The following WWP1 variants were observed in gnomAD, a reference collection of about 807,000 sequenced individuals.
WWP1 encodes the protein NEDD4-like E3 ubiquitin-protein ligase WWP1.
WWP1 carries 49 observed loss-of-function variants against 130.6 expected under a neutral mutation model. That is an observed-to-expected ratio of 0.38 (90% CI 0.30 to 0.48). The LOEUF is 0.48. Ranked by LOEUF, WWP1 falls within the 20% of genes least tolerant of loss-of-function variation. The pLI is 0.99. For synonymous variants in WWP1, 332 were observed against 367.8 expected, an observed-to-expected ratio of 0.90 and a Z score of 1.11; for missense variants, 809 against 1,100.6, an observed-to-expected ratio of 0.74 and a Z score of 3.75.
At chr8:86,460,826 T>G (rs1401154701) in intron 22 of WWP1, among the ~76,000 whole-genome samples, 1 of 86,882 alleles carries the variant, frequency 1.2e-5, no homozygotes, top group Non-Finnish European at 2.1e-5. Flanking sequence ...TTTTTTTTTT[T>G]TGAGACAGAG....
At position 86,374,121 on chromosome 8, in the gene WWP1, G is replaced by T; in HGVS notation, c.70+1G>T. 2 of 1,602,520 alleles carry T rather than the reference G, an allele frequency of 1.2e-6. No homozygotes were observed. The highest frequency in any genetic ancestry group is 1.3e-5 in the African/African-American group (1 of 74,298). ...GGAAGGTTGCAGTTACAGGTAACTG[G>T]TAAGTTATTTTTATATTTAATATGG... On this transcript the variant is annotated splice_donor_variant, in intron 3 of 24. Transcript: ENST00000517970. LOFTEE classifies it high-confidence loss of function.
rs971994728 is a variant in WWP1, at chr8:86,468,305, A to T, written c.*1412A>T. On this transcript the variant is annotated 3_prime_UTR_variant, in exon 25 of 25. Transcript: ENST00000517970. The stretch of plus-strand genomic sequence containing the variant: ...AAATTTTATTTTTCTACATATTGAG[A>T]GTGTGTTCTCCATTTTATTCAGAAT... 4 of 425,546 alleles carry T rather than the reference A, an allele frequency of 9.4e-6. No homozygotes were observed. The highest frequency in any genetic ancestry group is 1.4e-5 in the Non-Finnish European group (3 of 218,874). The allele number at this position is 425,546 out of a possible 1,614,324, so 26.4% of individuals were successfully genotyped here. A position where few individuals can be genotyped will look rare whatever the true frequency, so the allele number is the denominator to read the frequency against.
At chr8:86,352,669 C>G (rs934486369) in intron 1 of WWP1, among the ~76,000 whole-genome samples, 1 of 152,136 alleles carries the variant, frequency 6.6e-6, no homozygotes, top group Non-Finnish European at 1.5e-5. Context: ...ATGCCCAGCC[C>G]TCAAGTATTC....
At chr8:86,426,988 C>T (rs1809662198) in intron 10 of WWP1, among the ~76,000 whole-genome samples, 1 of 151,900 alleles carries the variant, frequency 6.6e-6, no homozygotes, top group African/African-American at 2.4e-5. Flanking sequence ...TGGTGAAACC[C>T]CCATCTTTAC....
At chr8:86,425,129 C>G (rs572431410) in intron 9 of WWP1, 94 bp from the exon 10 acceptor site, 65 of 865,368 alleles carry the variant, frequency 7.5e-5, no homozygotes, top group Non-Finnish European at 1.1e-4. Context: ...TAATGTAAAG[C>G]TTATCTGTAA....
intron 9 of WWP1, among the ~76,000 whole-genome samples, chr8:86,424,454 G>A (rs1368256386): frequency 1.3e-4 from 20 of 152,072 alleles, no homozygotes; most frequent in Admixed American, 5.2e-4. Flanking sequence ...CAAGGCAGGC[G>A]GCTGGGAGGT....
chr8:86,405,969 A>T (rs922988945), intron 8 of WWP1, among the ~76,000 whole-genome samples: 1 of 152,220 alleles, frequency 6.6e-6, no homozygotes, highest in Admixed American at 6.5e-5. Context: ...ACATTATTAT[A>T]TATGAGGGCT....
chr8:86,392,407 G>C (rs903322761), intron 5 of WWP1, among the ~76,000 whole-genome samples: 1 of 152,138 alleles, frequency 6.6e-6, no homozygotes, highest in Non-Finnish European at 1.5e-5. Context: ...AGAGGAGTGA[G>C]ATGGCTGCCA....
intron 23 of WWP1, 104 bp from the exon 24 acceptor site, chr8:86,461,670 T>G (rs928480669): frequency 2.2e-6 from 2 of 908,492 alleles, no homozygotes; most frequent in African/African-American, 3.3e-5. Flanking sequence ...TTCTTTATTT[T>G]GTATCATTCA....
At chr8:86,457,486 T>C (rs1243628164) in intron 21 of WWP1, among the ~76,000 whole-genome samples, 4 of 151,956 alleles carry the variant, frequency 2.6e-5, no homozygotes, top group Non-Finnish European at 1.5e-5. Flanking sequence ...TAGATGTGTA[T>C]GTGTGTATTT....
At chr8:86,415,973 T>G (rs538469964) in intron 9 of WWP1, among the ~76,000 whole-genome samples, 1 of 152,312 alleles carries the variant, frequency 6.6e-6, no homozygotes, top group South Asian at 2.1e-4. Context: ...CTACATTAAA[T>G]GATTTAGAAT....
chr8:86,395,275 G>A lies in WWP1; in HGVS notation c.335-3067G>A, dbSNP rs769679659. Among the ~76,000 whole-genome samples the A allele has an allele frequency of 1.2e-4, 19 of 152,288 alleles. 2 individuals carry two copies. Among genetic ancestry groups the A allele is most frequent in the South Asian group, 4.2e-4 (2 of 4,812 alleles). On this transcript the variant is annotated intron_variant, in intron 5 of 24. Transcript: ENST00000517970. ...TTGTAAACATTTGAGCATAAAGGCC[G>A]CATATGGTTTCTGTTATTAACTCGC...
At chr8:86,445,105 T>C (rs1287324042) in intron 18 of WWP1, among the ~76,000 whole-genome samples, 1 of 152,074 alleles carries the variant, frequency 6.6e-6, no homozygotes, top group African/African-American at 2.4e-5. Flanking sequence ...CCATACTCTT[T>C]TTAAAACCAG....
At chr8:86,380,444 TGTG>T (rs779502188) in intron 3 of WWP1, among the ~76,000 whole-genome samples, 2 of 152,168 alleles carry the variant, frequency 1.3e-5, no homozygotes, top group Non-Finnish European at 2.9e-5. Context: ...TAAAATTGAT[TGTG>T]GTGATGGTTG....
At chr8:86,426,338 G>A (rs942225696) in intron 10 of WWP1, among the ~76,000 whole-genome samples, 7 of 152,136 alleles carry the variant, frequency 4.6e-5, no homozygotes, top group Non-Finnish European at 7.4e-5. Flanking sequence ...TATTCTCTTT[G>A]TGACCCCATT....
At chr8:86,374,439 T>C (rs1824512352) in intron 3 of WWP1, among the ~76,000 whole-genome samples, 1 of 152,192 alleles carries the variant, frequency 6.6e-6, no homozygotes, top group Non-Finnish European at 1.5e-5. Context: ...CTTACATACA[T>C]TTAGCCATTT....
At chr8:86,445,694 T>A (rs968079723) in intron 18 of WWP1, among the ~76,000 whole-genome samples, 2 of 152,174 alleles carry the variant, frequency 1.3e-5, no homozygotes, top group African/African-American at 4.8e-5. Context: ...TTGCTGATTC[T>A]CATGGTGGTT....
rs142212058 is a variant in WWP1, at chr8:86,425,216, A to C, written c.1062-7A>C. Reference sequence around the variant, plus strand: ...CTCTTACTGTTATTTTTGTATTTTTATTAAAGGTGGGAACAAAGAAAAGAT... The same window carrying C: ...CTCTTACTGTTATTTTTGTATTTTTCTTAAAGGTGGGAACAAAGAAAAGAT... On this transcript the variant is annotated splice_polypyrimidine_tract_variant and splice_region_variant and intron_variant, in intron 9 of 24. Coordinates refer to ENST00000517970, the MANE Select transcript of WWP1 (RefSeq NM_007013.4). The C allele has an allele frequency of 1.6e-4, 251 of 1,598,930 alleles. No individual in the cohort carries two copies. In the Middle Eastern group the frequency reaches 2.4e-3, roughly 15 times the overall value.
At chr8:86,388,329 A>T (rs1469744792) in intron 5 of WWP1, among the ~76,000 whole-genome samples, 2 of 151,516 alleles carry the variant, frequency 1.3e-5, no homozygotes, top group African/African-American at 4.9e-5. Flanking sequence ...ATCCTAGTGT[A>T]CGGTAGCCTC....
Sources: gnomAD v4.1 joint callset for allele counts (sites outside exome capture counted in the v4.1 genomes callset) on GRCh38, gnomAD v4.1.1 for gene constraint, MANE v1.5 for transcripts, NCBI Gene and HGNC (gene_info 2026-07-23, HGNC 2026-07-21) for gene names.